GRIA1: variants seen among roughly 807,000 people sequenced by gnomAD.
The protein encoded by GRIA1 is glutamate receptor 1.
A neutral mutation model predicts 99.2 loss-of-function variants in GRIA1; 31 were observed. That is an observed-to-expected ratio of 0.31 (90% confidence interval 0.23 to 0.42). The LOEUF is 0.42. Ranked by LOEUF, GRIA1 falls within the 10% of genes least tolerant of loss-of-function variation. GRIA1 has a pLI of 1.00. For synonymous variants in GRIA1, 438 were observed against 432.4 expected, an observed-to-expected ratio of 1.01 and a Z score of -0.16; for missense variants, 782 against 1,157.5, an observed-to-expected ratio of 0.68 and a Z score of 4.71.
At chr5:153,750,175 G>T (rs183499335) in intron 11 of GRIA1, among the ~76,000 whole-genome samples, 164 of 152,204 alleles carry the variant, frequency 1.1e-3, no homozygotes, top group Non-Finnish European at 1.9e-3. Context: ...GTTGCATTTG[G>T]CCAGCACTAA....
intron 11 of GRIA1, among the ~76,000 whole-genome samples, chr5:153,719,045 C>T (rs1759859892): frequency 1.3e-5 from 2 of 152,218 alleles, no homozygotes; most frequent in African/African-American, 4.8e-5. Flanking sequence ...TCCGTTCCTG[C>T]TCTCCTGAGC....
intron 11 of GRIA1, among the ~76,000 whole-genome samples, chr5:153,739,015 C>A (rs1365254759): frequency 2.6e-5 from 4 of 151,862 alleles, no homozygotes; most frequent in African/African-American, 9.7e-5. Flanking sequence ...AGCCACCACA[C>A]CTGGCCCATA....
At chr5:153,541,595 C>T (rs577530009) in intron 2 of GRIA1, among the ~76,000 whole-genome samples, 1 of 152,232 alleles carries the variant, frequency 6.6e-6, no homozygotes, top group Admixed American at 6.5e-5. Flanking sequence ...GTACTAATTT[C>T]TCGAAGTGAC....
At chr5:153,555,231 C>G in intron 2 of GRIA1, among the ~76,000 whole-genome samples, 1 of 151,498 alleles carries the variant, frequency 6.6e-6, no homozygotes, top group Non-Finnish European at 1.5e-5. Context: ...ATAATGATCT[C>G]TTTGGATGTT....
intron 13 of GRIA1, among the ~76,000 whole-genome samples, chr5:153,793,228 G>A (rs1765419650): frequency 6.6e-6 from 1 of 152,202 alleles, no homozygotes; most frequent in African/African-American, 2.4e-5. Flanking sequence ...TCTACATTCA[G>A]CAGTGGAATG....
intron 13 of GRIA1, among the ~76,000 whole-genome samples, chr5:153,784,369 G>A (rs1290990507): frequency 1.3e-5 from 2 of 151,670 alleles, no homozygotes; most frequent in Non-Finnish European, 2.9e-5. Flanking sequence ...CCAGCATGGA[G>A]TGATTAAGTG....
intron 13 of GRIA1, among the ~76,000 whole-genome samples, chr5:153,784,093 A>T (rs1461233): frequency 6.6e-6 from 1 of 151,930 alleles, no homozygotes; most frequent in South Asian, 2.1e-4. Flanking sequence ...ATTTACTCCC[A>T]ACTCTACAGG....
At chr5:153,631,009 T>G (rs1161436147) in intron 2 of GRIA1, among the ~76,000 whole-genome samples, 1 of 152,252 alleles carries the variant, frequency 6.6e-6, no homozygotes, top group African/African-American at 2.4e-5. Context: ...CTCTTACAGA[T>G]GAGGAAACAA....
intron 14 of GRIA1, among the ~76,000 whole-genome samples, chr5:153,800,788 T>C (rs761264943): frequency 6.6e-6 from 1 of 152,198 alleles, no homozygotes. Context: ...GACTTATTGG[T>C]CAATAAGCGA....
intron 2 of GRIA1, among the ~76,000 whole-genome samples, chr5:153,526,279 C>T (rs950973599): frequency 1.3e-5 from 2 of 152,148 alleles, no homozygotes; most frequent in Non-Finnish European, 1.5e-5. Context: ...TATGAATTAA[C>T]ACTTAGGAAT....
At chr5:153,770,753 A>C (rs1339339265) in intron 13 of GRIA1, among the ~76,000 whole-genome samples, 1 of 152,192 alleles carries the variant, frequency 6.6e-6, no homozygotes, top group Non-Finnish European at 1.5e-5. Context: ...CCCTGCATCC[A>C]ACAACGCTAT....
intron 13 of GRIA1, among the ~76,000 whole-genome samples, chr5:153,786,971 A>C (rs1193764171): frequency 6.6e-6 from 1 of 152,232 alleles, no homozygotes; most frequent in Non-Finnish European, 1.5e-5. Context: ...AGGTCATTTC[A>C]TCCAACACTC....
At chr5:153,770,553 G>A in intron 13 of GRIA1, 138 bp downstream of exon 13, 1 of 811,098 alleles carries the variant, frequency 1.2e-6, no homozygotes. Flanking sequence ...CTATGGGCCT[G>A]AAAGATTCCA....
intron 2 of GRIA1, among the ~76,000 whole-genome samples, chr5:153,587,259 A>G (rs1040432915): frequency 2.0e-5 from 3 of 151,894 alleles, no homozygotes; most frequent in Non-Finnish European, 4.4e-5. Flanking sequence ...CACCTCCCCC[A>G]CCACCCTCTC....
chr5:153,646,595 CTT>C (rs1266323756), intron 2 of GRIA1, among the ~76,000 whole-genome samples: 3 of 152,154 alleles, frequency 2.0e-5, no homozygotes, highest in Admixed American at 6.5e-5. Flanking sequence ...ATGAAAGTGT[CTT>C]ATATACATGG....
chr5:153,769,303 C>T (rs1306117717), intron 12 of GRIA1, among the ~76,000 whole-genome samples: 1 of 152,140 alleles, frequency 6.6e-6, no homozygotes, highest in Non-Finnish European at 1.5e-5. Flanking sequence ...GAATCAGAAT[C>T]TCTAGATTTA....
intron 2 of GRIA1, among the ~76,000 whole-genome samples, chr5:153,523,520 T>TTA (rs71864020): frequency 8.6e-5 from 13 of 151,350 alleles, no homozygotes; most frequent in Non-Finnish European, 1.9e-4. Context: ...CATTTTTTTT[T>TTA]TTATTTATGC....
Position 153,745,155 on chromosome 5 carries a change from CG to C in GRIA1, c.1824-19278del, listed in dbSNP as rs748469584. Reference sequence around the variant, plus strand: ...AGTGTGTTCCTCTAGATTTTTCTCACGTCTAGATTATTCTCAACCTTCGGCT... The same window carrying C: ...AGTGTGTTCCTCTAGATTTTTCTCACTCTAGATTATTCTCAACCTTCGGCT... On this transcript the variant is annotated intron_variant, in intron 11 of 15. Transcript: ENST00000285900. Among the ~76,000 whole-genome samples, 29 of 152,290 alleles carry C rather than the reference CG, an allele frequency of 1.9e-4. 1 individual carries two copies. The highest frequency in any genetic ancestry group is 6.2e-4 in the South Asian group (3 of 4,828).
chr5:153,777,399 C>T (rs1428177198), intron 13 of GRIA1, among the ~76,000 whole-genome samples: 6 of 152,146 alleles, frequency 3.9e-5, no homozygotes, highest in African/African-American at 9.7e-5. Flanking sequence ...GTATAAGGCC[C>T]GTTACCTTGC....
Sources: allele counts gnomAD v4.1 joint callset (sites outside exome capture counted in the v4.1 genomes callset), GRCh38; gene constraint gnomAD v4.1.1; transcripts MANE v1.5; gene names NCBI Gene and HGNC (gene_info 2026-07-23, HGNC 2026-07-21).